MYO18B: variants seen among roughly 807,000 people sequenced by gnomAD.
MYO18B encodes the protein unconventional myosin-XVIIIb.
A neutral mutation model predicts 273.0 loss-of-function variants in MYO18B; 204 were observed. That is an observed-to-expected ratio of 0.75 (90% CI 0.67 to 0.84). The LOEUF (loss-of-function observed/expected upper bound fraction) is 0.84, where lower values mean the gene tolerates loss of function less well. MYO18B is among the 40% of genes least tolerant of loss of function. The pLI, the probability that MYO18B is intolerant of heterozygous loss-of-function variation, is 0.00. For synonymous variants in MYO18B, 1,330 were observed against 1,305.7 expected (o/e 1.02, Z -0.40); for missense variants, 3,212 against 3,287.6 (o/e 0.98, Z 0.56).
intron 34 of MYO18B, among the ~76,000 whole-genome samples, chr22:25,936,899 C>T (rs1011691859): frequency 2.0e-5 from 3 of 152,104 alleles, no homozygotes; most frequent in African/African-American, 7.2e-5. Context: ...CTTATTACCT[C>T]CCCAAAGCCT....
intron 25 of MYO18B, among the ~76,000 whole-genome samples, chr22:25,886,971 C>A (rs1298916425): frequency 6.6e-6 from 1 of 152,232 alleles, no homozygotes; most frequent in Non-Finnish European, 1.5e-5. Context: ...TAGGGCATAC[C>A]TATCCTCAGC....
At chr22:25,947,451 A>G (rs907084251) in intron 35 of MYO18B, among the ~76,000 whole-genome samples, 2 of 150,156 alleles carry the variant, frequency 1.3e-5, no homozygotes, top group African/African-American at 4.9e-5. Flanking sequence ...TCATACACAC[A>G]TACACCCTGA....
At chr22:25,886,044 T>C (rs2091488718) in intron 25 of MYO18B, among the ~76,000 whole-genome samples, 1 of 152,236 alleles carries the variant, frequency 6.6e-6, no homozygotes, top group African/African-American at 2.4e-5. Context: ...GGCAGAGTGG[T>C]TAAGTAGCCA....
intron 40 of MYO18B, among the ~76,000 whole-genome samples, chr22:26,000,179 G>A (rs1933819114): frequency 6.6e-6 from 1 of 152,252 alleles, no homozygotes; most frequent in Non-Finnish European, 1.5e-5. Context: ...TTGCCTTGTG[G>A]AGCTTGTAGC....
intron 32 of MYO18B, 150 bp downstream of exon 32, chr22:25,908,582 T>A (rs961785075): frequency 1.4e-5 from 9 of 664,994 alleles, no homozygotes; most frequent in African/African-American, 3.6e-5. Context: ...CGAAGTGACT[T>A]CAAAGGTGTA....
At chr22:25,902,252 G>A (rs958582187) in intron 29 of MYO18B, among the ~76,000 whole-genome samples, 1 of 152,096 alleles carries the variant, frequency 6.6e-6, no homozygotes, top group Non-Finnish European at 1.5e-5. Flanking sequence ...CATTTTAGTA[G>A]GGAGATGATG....
chr22:25,950,334 G>A, intron 36 of MYO18B, 33 bp from the exon 37 acceptor site: 3 of 1,501,084 alleles, frequency 2.0e-6, no homozygotes, highest in Non-Finnish European at 1.8e-6. Flanking sequence ...GACTCAGGGT[G>A]ATATATATAC....
At chr22:26,023,972 C>G (rs1002890760) in intron 42 of MYO18B, among the ~76,000 whole-genome samples, 2 of 152,190 alleles carry the variant, frequency 1.3e-5, no homozygotes, top group Non-Finnish European at 2.9e-5. Flanking sequence ...ATGTTGGGAA[C>G]AGACAAGAAA....
intron 39 of MYO18B, among the ~76,000 whole-genome samples, chr22:25,974,783 C>A (rs1359934298): frequency 6.6e-6 from 1 of 152,216 alleles, no homozygotes; most frequent in East Asian, 1.9e-4. Context: ...ATAGACCTCT[C>A]CTATGGTTCC....
At chr22:25,815,231 T>C (rs2088950129) in intron 12 of MYO18B, among the ~76,000 whole-genome samples, 1 of 152,192 alleles carries the variant, frequency 6.6e-6, no homozygotes, top group Non-Finnish European at 1.5e-5. Context: ...CATGTGAATG[T>C]GGAAAGAGCA....
At chr22:26,061,260 T>C in the MYO18B span, among the ~76,000 whole-genome samples, 9 of 152,174 alleles carry the variant, frequency 5.9e-5, no homozygotes, top group Non-Finnish European at 1.2e-4. Context: ...GTATAACCAG[T>C]TTCTTTTATC....
intron 42 of MYO18B, among the ~76,000 whole-genome samples, chr22:26,023,722 C>G (rs532293241): frequency 1.3e-5 from 2 of 152,196 alleles, no homozygotes; most frequent in East Asian, 3.9e-4. Flanking sequence ...TCATCACACC[C>G]GCCTCCTTTC....
downstream of MYO18B, among the ~76,000 whole-genome samples, chr22:26,031,844 C>G (rs1936675480): frequency 6.6e-6 from 1 of 152,194 alleles, no homozygotes; most frequent in East Asian, 1.9e-4. Flanking sequence ...ACCCTGTTGT[C>G]TCTGATGCAG....
chr22:25,980,230 C>T (rs757276720), intron 39 of MYO18B, among the ~76,000 whole-genome samples: 2 of 152,126 alleles, frequency 1.3e-5, no homozygotes, highest in African/African-American at 4.8e-5. Context: ...GTAGTGCAGC[C>T]GACTTAGGCA....
rs1432923116 is a variant in MYO18B, at chr22:25,851,467, T to C, written c.3776-3T>C. On this transcript the variant is annotated splice_polypyrimidine_tract_variant and splice_region_variant and intron_variant, in intron 20 of 43. Coordinates refer to ENST00000335473, the MANE Select transcript of MYO18B (RefSeq NM_032608.7). ...CTTCTCCTGCCTGCTCCTACCTCCC[T>C]AGGCTATGCTGACCACATGGGGCTC... The C allele has an allele frequency of 6.4e-7, 1 of 1,550,952 alleles. No homozygotes were observed. Among genetic ancestry groups the C allele is most frequent in the Non-Finnish European group, 8.7e-7 (1 of 1,145,760 alleles).
intron 17 of MYO18B, among the ~76,000 whole-genome samples, chr22:25,836,893 T>C (rs2089918533): frequency 6.6e-6 from 1 of 151,114 alleles, no homozygotes. Context: ...ACCCAGGAGG[T>C]AGAGTTTGCA....
At chr22:25,995,091 A>T (rs1933089000) in intron 40 of MYO18B, among the ~76,000 whole-genome samples, 1 of 152,228 alleles carries the variant, frequency 6.6e-6, no homozygotes, top group African/African-American at 2.4e-5. Flanking sequence ...TACACGATAG[A>T]GTACTATTCA....
At chr22:25,852,395 T>TAATGAATG (rs3079384) in intron 21 of MYO18B, among the ~76,000 whole-genome samples, 4,263 of 150,740 alleles carry the variant, frequency 0.028, 79 homozygotes, top group Non-Finnish European at 0.04. Context: ...TTTGTTGAGT[T>TAATGAATG]AATGAATGAA....
chr22:25,925,868 G>A (rs1409008505), intron 34 of MYO18B, among the ~76,000 whole-genome samples: 37 of 133,212 alleles, frequency 2.8e-4, no homozygotes, highest in African/African-American at 1.0e-3. Context: ...TCGCGCCATT[G>A]CACTCCAGCA....
Sources: allele counts gnomAD v4.1 joint callset (sites outside exome capture counted in the v4.1 genomes callset), GRCh38; gene constraint gnomAD v4.1.1; transcripts MANE v1.5; gene names NCBI Gene and HGNC (gene_info 2026-07-23, HGNC 2026-07-21).